The following BCORL1 variants were observed in gnomAD, a reference collection of about 807,000 sequenced individuals.
BCORL1 encodes BCL6 corepressor like 1.
In BCORL1, 7 loss-of-function variants were observed where a neutral mutation model predicts 87.6. The ratio of observed to expected loss-of-function variants is 0.08; its 90% confidence interval spans 0.05 to 0.15. The LOEUF (loss-of-function observed/expected upper bound fraction) is 0.15, where lower values mean the gene tolerates loss of function less well. BCORL1 is among the 10% of genes least tolerant of loss of function. The probability of loss-of-function intolerance (pLI) is 1.00; values close to 1 mark genes in which losing one functional copy is unlikely to be tolerated. For missense variants in BCORL1, 1,215 were observed against 1,499.7 expected, an observed-to-expected ratio of 0.81 and a Z score of 3.13; for synonymous variants, 591 against 634.4, an observed-to-expected ratio of 0.93 and a Z score of 1.03.
chrX:130,056,195 T>C lies in BCORL1; in HGVS notation c.*59T>C. 9.3e-7 allele frequency: 1 copy of C among 1,073,558 alleles called. No individual in the cohort carries two copies. The highest frequency in any genetic ancestry group is 1.2e-6 in the Non-Finnish European group (1 of 814,886). 88.5% of individuals were successfully genotyped at this position (1,073,558 alleles called of 1,213,427 possible). A position where few individuals can be genotyped will look rare whatever the true frequency, so the allele number is the denominator to read the frequency against. On this transcript the variant is annotated 3_prime_UTR_variant, in exon 14 of 14. Coordinates refer to ENST00000540052, the MANE Select transcript of BCORL1 (RefSeq NM_001379451.1). ...CCGAGTTCGCCCTTCCCCCACCTCC[T>C]TGTCTTTCCCCGACCGAGCACCAGA... is the stretch of plus-strand genomic sequence containing the variant.
chrX:130,037,344 T>G (rs576880076), intron 9 of BCORL1, 23 bp from the exon 10 acceptor site: 2 of 1,203,514 alleles, frequency 1.7e-6, no homozygotes, highest in East Asian at 3.0e-5. Context: ...TCTTTGCTCA[T>G]GGAGTTGTCC....
chrX:130,037,315 A>C (rs757998522), intron 9 of BCORL1, 52 bp from the exon 10 acceptor site: 1 of 1,157,462 alleles, frequency 8.6e-7, no homozygotes, highest in East Asian at 3.0e-5. Context: ...GGGTTATATA[A>C]GTTCAAGAAT....
chrX:130,028,741 A>G lies in BCORL1; in HGVS notation c.4185A>G (p.Ser1395=). The G allele has an allele frequency of 2.5e-6, 3 of 1,210,743 alleles. No individual in the cohort carries two copies. Among genetic ancestry groups the G allele is most frequent in the Non-Finnish European group, 3.4e-6 (3 of 895,103 alleles). The change falls in exon 8 of 14, where the codon TCA becomes TCG. Residue 1395 remains serine (S), a synonymous_variant. Coordinates refer to ENST00000540052, the MANE Select transcript of BCORL1 (RefSeq NM_001379451.1). ...ACAAAGTCCAGGGGATCTCGGATTC[A>G]CCAAACGGTTTCCTCCCAAATAACC... The part of the protein sequence containing the change: ...LPNKVQGISD[S]PNGFLPNNLE...
Position 129,998,661 on chromosome X carries a change from C to T in BCORL1, c.-44-6527C>T, listed in dbSNP as rs770157858. Among the ~76,000 whole-genome samples the T allele has an allele frequency of 2.6e-4, 29 of 112,021 alleles. No individual in the cohort carries two copies. In the Admixed American group the frequency reaches 2.8e-3, roughly 11 times the overall value. On this transcript the variant is annotated intron_variant, in intron 1 of 13. Coordinates refer to ENST00000540052, the MANE Select transcript of BCORL1 (RefSeq NM_001379451.1). ...TTGACATTGACCGTCCTGACTCCTC[C>T]CTTCTGTGAGCATTCACGCAGTCAG... is the stretch of plus-strand genomic sequence containing the variant.
intron 9 of BCORL1, among the ~76,000 whole-genome samples, chrX:130,036,883 C>T (rs887784798): frequency 8.9e-6 from 1 of 112,000 alleles, no homozygotes; most frequent in African/African-American, 3.2e-5. Flanking sequence ...CGGTGGCTCA[C>T]GCCTGTAACC....
chrX:130,023,136 G>A (rs1371402789), intron 6 of BCORL1, among the ~76,000 whole-genome samples, 159 bp downstream of exon 6: 1 of 111,769 alleles, frequency 8.9e-6, no homozygotes, highest in East Asian at 2.8e-4. Context: ...AGAGCCCTGG[G>A]TGGGGGCAGG....
intron 2 of BCORL1, among the ~76,000 whole-genome samples, chrX:130,008,544 T>G (rs1928694746): frequency 8.9e-6 from 1 of 111,751 alleles, no homozygotes; most frequent in South Asian, 3.7e-4. Context: ...ATTACAGATG[T>G]GAGCCACCAC....
chrX:129,981,009 A>T (rs1165142142), upstream of BCORL1: 2 of 105,443 alleles, frequency 1.9e-5, no homozygotes, highest in Admixed American at 2.0e-4. Flanking sequence ...GGAGGGAGGG[A>T]GGCCCGCGGC....
At chrX:129,989,444 CTTTTTTTTTTTTTTTT>C (rs55654985) in intron 1 of BCORL1, among the ~76,000 whole-genome samples, 11 of 17,774 alleles carry the variant, frequency 6.2e-4, no homozygotes, top group African/African-American at 1.8e-3. Flanking sequence ...CCGCACCCGT[CTTTTTTTTTTTTTTTT>C]TTTTTTTTTT....
In BCORL1 at chrX:130,014,234, A is replaced by G; in HGVS notation, c.1462A>G (p.Arg488Gly). 8.3e-7 allele frequency: 1 copy of G among 1,210,936 alleles called. No homozygotes were observed. The highest frequency in any genetic ancestry group is 1.1e-6 in the Non-Finnish European group (1 of 895,228). Reference sequence around the variant, plus strand: ...TGTCCTGCCGTCCTACCTGCAGGACAGGTGTCTCCCAGGCGTGCTAGCCTC... The same window carrying G: ...TGTCCTGCCGTCCTACCTGCAGGACGGGTGTCTCCCAGGCGTGCTAGCCTC... ...LPVLPSYLQDRCLPGVLASPE... is the reference protein window; with the variant it reads ...LPVLPSYLQDGCLPGVLASPE... The change falls in exon 4 of 14, where the codon AGG becomes GGG. Residue 488 changes from arginine to glycine, a missense_variant. Arg to Gly is a moderately radical substitution (Grantham distance 125). This residue lies in a region of BCORL1 where 861 missense variants were observed against 1,010.0 expected (regional missense o/e 0.85). Coordinates refer to ENST00000540052, the MANE Select transcript of BCORL1 (RefSeq NM_001379451.1).
At chrX:129,984,592 C>T (rs1569353732) in intron 1 of BCORL1, among the ~76,000 whole-genome samples, 1 of 111,056 alleles carries the variant, frequency 9.0e-6, no homozygotes, top group African/African-American at 3.3e-5. Context: ...GCCGGGGTCC[C>T]GCCGAGAGGA....
intron 2 of BCORL1, among the ~76,000 whole-genome samples, chrX:130,005,777 G>A (rs1472015637): frequency 7.0e-5 from 7 of 100,571 alleles, no homozygotes; most frequent in Non-Finnish European, 9.8e-5. Context: ...CACCACGCCC[G>A]GCTAATTTTT....
chrX:130,039,252 A>G lies in BCORL1; in HGVS notation c.4810A>G (p.Ser1604Gly). ...YSGQTAMKLA[S>G]SDTMKRFLSD... Reference sequence around the variant, plus strand: ...GGGTCAGACAGCCATGAAGCTGGCCAGCAGCGACACCATGAAGCGCTTTCT... The same window carrying G: ...GGGTCAGACAGCCATGAAGCTGGCCGGCAGCGACACCATGAAGCGCTTTCT... Residue 1604 changes from serine (S) to glycine (G), a missense_variant, in exon 11 of 14, where the codon AGC becomes GGC. By Grantham distance (56) the Ser-to-Gly change is moderately conservative. Around this residue, in one of 5 missense-constraint regions of BCORL1, gnomAD observed 129 missense variants for 157.5 expected, o/e 0.82. Coordinates refer to ENST00000540052, the MANE Select transcript of BCORL1 (RefSeq NM_001379451.1). The G allele has an allele frequency of 1.7e-6, 2 of 1,210,860 alleles. No individual in the cohort carries two copies. Among genetic ancestry groups the G allele is most frequent in the East Asian group, 3.0e-5 (1 of 33,854 alleles).
Position 130,015,779 on chromosome X carries a change from C to G in BCORL1, c.3007C>G (p.Leu1003Val). 1 of 1,212,059 alleles carries G rather than the reference C, an allele frequency of 8.3e-7. No homozygotes were observed. The highest frequency in any genetic ancestry group is 1.1e-6 in the Non-Finnish European group (1 of 895,594). Reference protein sequence around the residue: ...HELVLATPQNLPKMPELPLLP... With the variant: ...HELVLATPQNVPKMPELPLLP... Reference sequence around the variant, plus strand: ...GCTGGTCCTGGCCACCCCCCAGAACCTGCCTAAGATGCCTGAGCTGCCTTT... The same window carrying G: ...GCTGGTCCTGGCCACCCCCCAGAACGTGCCTAAGATGCCTGAGCTGCCTTT... Residue 1003 changes from leucine to valine, a missense_variant, in exon 4 of 14, where the codon CTG becomes GTG. Around this residue, in one of 5 missense-constraint regions of BCORL1, gnomAD observed 861 missense variants for 1,010.0 expected, o/e 0.85. Coordinates refer to ENST00000540052, the MANE Select transcript of BCORL1 (RefSeq NM_001379451.1).
At chrX:130,020,074 G>A (rs1322725638) in intron 4 of BCORL1, among the ~76,000 whole-genome samples, 1 of 112,412 alleles carries the variant, frequency 8.9e-6, no homozygotes, top group Non-Finnish European at 1.9e-5. Flanking sequence ...AGCGAGAGCT[G>A]ATGCCCAGAG....
chrX:130,021,134 C>A lies in BCORL1; in HGVS notation c.3591C>A (p.Ala1197=). The change falls in exon 5 of 14, where the codon GCC becomes GCA. Residue 1197 remains alanine, a synonymous_variant. Transcript: ENST00000540052. Reference sequence around the variant, plus strand: ...AGTCCCAGTCTCCAGGAAAACGAGCCGACAGCCACGAGGAAGGTAGGCCCC... The same window carrying A: ...AGTCCCAGTCTCCAGGAAAACGAGCAGACAGCCACGAGGAAGGTAGGCCCC... ...KPESQSPGKR[A]DSHEEGSLEK... 1 of 1,199,853 alleles carries A rather than the reference C, an allele frequency of 8.3e-7. No homozygotes were observed. The highest frequency in any genetic ancestry group is 1.1e-6 in the Non-Finnish European group (1 of 890,753).
intron 4 of BCORL1, among the ~76,000 whole-genome samples, chrX:130,020,167 G>A (rs965462830): frequency 8.9e-6 from 1 of 112,417 alleles, no homozygotes; most frequent in African/African-American, 3.2e-5. Context: ...GCTAACTTGC[G>A]GGTTGGCCTG....
At position 130,015,406 on chromosome X, in the gene BCORL1, C is replaced by T. The variant is rs1929339579; in HGVS notation, c.2634C>T (p.Ser878=). 6.6e-6 allele frequency: 8 copies of T among 1,210,907 alleles called. No homozygotes were observed. The highest frequency in any genetic ancestry group is 3.5e-5 in the African/African-American group (2 of 57,455). The change falls in exon 4 of 14, where the codon AGC becomes AGT. Residue 878 remains serine (S), a synonymous_variant. Transcript: ENST00000540052. ...CTGGTGTGCCATCTCTCAGCTCCAG[C>T]GAAGCCGTGCACGGACTTCCTGAGG... The part of the protein sequence containing the change: ...EFSGVPSLSS[S]EAVHGLPEGQ...
Position 130,015,342 on chromosome X carries a change from G to A in BCORL1, c.2570G>A (p.Gly857Glu), listed in dbSNP as rs772999532. 30 of 1,210,612 alleles carry A rather than the reference G, an allele frequency of 2.5e-5. 1 individual carries two copies. In the South Asian group the frequency reaches 5.1e-4, roughly 21 times the overall value. Residue 857 changes from glycine (G) to glutamate (E), a missense_variant, in exon 4 of 14, where the codon GGG becomes GAG. Coordinates refer to ENST00000540052, the MANE Select transcript of BCORL1 (RefSeq NM_001379451.1). ...SSAGQLTPSQ[G>E]APIRPTSVVS... ...GCCGGGCAGCTGACCCCCAGTCAGGGGGCGCCCATCAGGCCCACCAGCGTT... is the reference window on the plus strand; with the variant it reads ...GCCGGGCAGCTGACCCCCAGTCAGGAGGCGCCCATCAGGCCCACCAGCGTT...
Sources: gnomAD v4.1 joint callset for allele counts (sites outside exome capture counted in the v4.1 genomes callset) on GRCh38, gnomAD v4.1.1 for gene constraint, gnomAD v4.1.1 regional missense constraint, MANE v1.5 for transcripts, NCBI Gene and HGNC (gene_info 2026-07-23, HGNC 2026-07-21) for gene names.